The following JAZF1 variants were observed in gnomAD, a reference collection of about 807,000 sequenced individuals.
The protein encoded by JAZF1 is JAZF zinc finger 1.
A neutral mutation model predicts 26.4 loss-of-function variants in JAZF1; 8 were observed. That is an observed-to-expected ratio of 0.30 (90% CI 0.18 to 0.55). JAZF1 has a LOEUF of 0.55. Among genes scored for constraint, JAZF1 ranks in the 20% least tolerant of loss-of-function variants. The probability of loss-of-function intolerance (pLI) is 0.94; values close to 1 mark genes in which losing one functional copy is unlikely to be tolerated. For missense variants in JAZF1, 199 were observed against 322.0 expected, an observed-to-expected ratio of 0.62 and a Z score of 2.92; for synonymous variants, 126 against 122.3, an observed-to-expected ratio of 1.03 and a Z score of -0.20.
In JAZF1 at chr7:28,174,802, C is replaced by A. The variant is rs1443364197; in HGVS notation, c.115+5661G>T. On this transcript the variant is annotated intron_variant, in intron 1 of 4. Coordinates refer to ENST00000283928, the MANE Select transcript of JAZF1 (RefSeq NM_175061.4). ...AGTTTCAGATTTCGGGTTCCCTGAT[C>A]CTGCCTATGGGGTGTGTGGGTGTGT... 7.1e-5 allele frequency among the ~76,000 whole-genome samples: 6 copies of A among 84,854 alleles called. 1 individual carries two copies. The highest frequency in any genetic ancestry group is 2.0e-4 in the African/African-American group (6 of 29,588). The allele number at this position is 84,854 out of a possible 152,430, so 55.7% of individuals were successfully genotyped here.
chr7:27,913,385 GCCA>G, intron 2 of JAZF1: 1 of 460,384 alleles, frequency 2.2e-6, no homozygotes, highest in Non-Finnish European at 4.5e-6. Flanking sequence ...GAACCAGAAG[GCCA>G]TACCTTTTGG....
At chr7:28,174,009 T>C (rs1345103219) in intron 1 of JAZF1, among the ~76,000 whole-genome samples, 2 of 150,772 alleles carry the variant, frequency 1.3e-5, no homozygotes, top group South Asian at 2.1e-4. Context: ...TTTTAAAAAA[T>C]ACACACATAA....
At chr7:27,991,214 T>C (rs1785895751) in intron 2 of JAZF1, among the ~76,000 whole-genome samples, 1 of 152,200 alleles carries the variant, frequency 6.6e-6, no homozygotes, top group Admixed American at 6.5e-5. Flanking sequence ...GAGTTTCTCA[T>C]TCTCATTAAA....
chr7:27,992,271 T>C (rs974239687), intron 1 of JAZF1: 1 of 503,708 alleles, frequency 2.0e-6, no homozygotes, highest in Non-Finnish European at 4.0e-6. Context: ...CTGCTTACAG[T>C]TACAATGTTG....
At position 28,007,493 on chromosome 7, in the gene JAZF1, C is replaced by T. The variant is rs972832891; in HGVS notation, c.116-15512G>A. On this transcript the variant is annotated intron_variant, in intron 1 of 4. Transcript: ENST00000283928. ...CTGAGGCAGGAGAATCACTGGAACC[C>T]GGGAGGCGGAGGTTGCAGTGAGCCG... 4.6e-5 allele frequency among the ~76,000 whole-genome samples: 7 copies of T among 151,866 alleles called. No individual in the cohort carries two copies. The East Asian group carries it at 9.7e-4, about 21-fold the overall frequency.
At chr7:28,122,669 G>A (rs901780167) in intron 1 of JAZF1, among the ~76,000 whole-genome samples, 4 of 152,006 alleles carry the variant, frequency 2.6e-5, no homozygotes, top group Non-Finnish European at 4.4e-5. Flanking sequence ...AAATATTAAC[G>A]TATCATTGCT....
At chr7:28,175,126 A>C in intron 1 of JAZF1, among the ~76,000 whole-genome samples, 1 of 152,196 alleles carries the variant, frequency 6.6e-6, no homozygotes, top group East Asian at 1.9e-4. Flanking sequence ...CCATGTTGGA[A>C]GCCGCTGGCT....
intron 1 of JAZF1, among the ~76,000 whole-genome samples, chr7:28,082,293 A>G (rs1784149896): frequency 6.6e-6 from 1 of 152,014 alleles, no homozygotes; most frequent in South Asian, 2.1e-4. Flanking sequence ...GCCCTTGTCT[A>G]TTTGGCTTTC....
chr7:28,147,240 A>C (rs925340264), intron 1 of JAZF1, among the ~76,000 whole-genome samples: 1 of 152,114 alleles, frequency 6.6e-6, no homozygotes, highest in Non-Finnish European at 1.5e-5. Flanking sequence ...AAATGTCCCA[A>C]TGAGCATTTC....
At chr7:27,879,087 T>C (rs1288334314) in intron 3 of JAZF1, among the ~76,000 whole-genome samples, 1 of 152,252 alleles carries the variant, frequency 6.6e-6, no homozygotes, top group Non-Finnish European at 1.5e-5. Context: ...CAGGAGTCTC[T>C]GAAACCTGTA....
chr7:27,972,817 A>C (rs1210660469), intron 2 of JAZF1, among the ~76,000 whole-genome samples: 1 of 152,130 alleles, frequency 6.6e-6, no homozygotes, highest in Non-Finnish European at 1.5e-5. Flanking sequence ...ACGAAAAACA[A>C]AAGATAAGTG....
intron 1 of JAZF1, among the ~76,000 whole-genome samples, chr7:28,144,009 AGCCC>A (rs1312646308): frequency 6.6e-6 from 1 of 152,244 alleles, no homozygotes; most frequent in African/African-American, 2.4e-5. Flanking sequence ...TGAACAAATA[AGCCC>A]ATGAAAATGA....
intron 1 of JAZF1, among the ~76,000 whole-genome samples, chr7:28,141,950 C>T (rs929848574): frequency 1.3e-5 from 2 of 152,058 alleles, no homozygotes; most frequent in African/African-American, 4.8e-5. Flanking sequence ...AAAAAGACTA[C>T]AGTCAGAAAA....
chr7:28,088,212 C>T (rs1784239258), intron 1 of JAZF1, among the ~76,000 whole-genome samples: 1 of 152,214 alleles, frequency 6.6e-6, no homozygotes, highest in East Asian at 1.9e-4. Context: ...TGGTAGCCAA[C>T]AGCAGTTTCA....
chr7:27,859,346 C>G (rs1049329071), intron 3 of JAZF1, among the ~76,000 whole-genome samples: 7 of 152,168 alleles, frequency 4.6e-5, no homozygotes, highest in Admixed American at 2.0e-4. Context: ...ACCAGAAATA[C>G]CATTCGACCC....
intron 2 of JAZF1, among the ~76,000 whole-genome samples, chr7:27,977,794 C>T (rs1038352992): frequency 3.9e-5 from 6 of 152,218 alleles, no homozygotes; most frequent in Non-Finnish European, 8.8e-5. Flanking sequence ...CTCAGTTCAG[C>T]GAAGCTGCTG....
intron 1 of JAZF1, among the ~76,000 whole-genome samples, chr7:28,137,206 A>G (rs1037637625): frequency 6.6e-6 from 1 of 152,246 alleles, no homozygotes; most frequent in African/African-American, 2.4e-5. Context: ...TCTGAGGCTC[A>G]GTAAGCATCT....
At chr7:27,870,491 A>G (rs896773996) in intron 3 of JAZF1, among the ~76,000 whole-genome samples, 33 of 152,134 alleles carry the variant, frequency 2.2e-4, no homozygotes, top group Non-Finnish European at 3.4e-4. Context: ...ATAGATTTTA[A>G]AACACTCAAG....
intron 1 of JAZF1, among the ~76,000 whole-genome samples, chr7:28,096,779 G>A (rs1264086408): frequency 6.6e-6 from 1 of 152,112 alleles, no homozygotes; most frequent in African/African-American, 2.4e-5. Context: ...AAGCAGCCAT[G>A]GCCGTGGGAA....
Sources: gnomAD v4.1 joint callset for allele counts (sites outside exome capture counted in the v4.1 genomes callset) on GRCh38, gnomAD v4.1.1 for gene constraint, MANE v1.5 for transcripts, NCBI Gene and HGNC (gene_info 2026-07-23, HGNC 2026-07-21) for gene names.